Variants in LRCH1 observed in about 807,000 individuals in gnomAD.
LRCH1 encodes the protein leucine-rich repeat and calponin homology domain-containing protein 1.
LRCH1 carries 23 observed loss-of-function variants against 94.9 expected under a neutral mutation model. The ratio of observed to expected loss-of-function variants is 0.24; its 90% CI spans 0.17 to 0.34. The LOEUF is 0.34. LRCH1 is among the 10% of genes least tolerant of loss of function. The pLI is 1.00. For missense variants in LRCH1, 790 were observed against 945.9 expected (o/e 0.84, Z 2.16); for synonymous variants, 364 against 354.9 (o/e 1.03, Z -0.29).
intron 4 of LRCH1, among the ~76,000 whole-genome samples, chr13:46,684,007 G>A (rs774996156): frequency 3.3e-5 from 5 of 151,994 alleles, no homozygotes; most frequent in East Asian, 1.9e-4. Flanking sequence ...ACCCCTCCTC[G>A]TATGCTTTCA....
At chr13:46,625,139 A>G (rs765446921) in intron 1 of LRCH1, among the ~76,000 whole-genome samples, 32 of 152,220 alleles carry the variant, frequency 2.1e-4, no homozygotes, top group Non-Finnish European at 3.7e-4. Flanking sequence ...CCAAGTGCCT[A>G]GTGGCGCCCT....
rs367892582 is a variant in LRCH1, at chr13:46,651,210, G to C, written c.452+865G>C. Among the ~76,000 whole-genome samples, 3 of 152,320 alleles carry C rather than the reference G, an allele frequency of 2.0e-5. No homozygotes were observed. The East Asian group carries it at 5.8e-4, about 29-fold the overall frequency. ...CATTGCGTCATGTTAGTGTGCAAAG[G>C]GGAGCAAGACTTGTGTTGAATAACA... On this transcript the variant is annotated intron_variant, in intron 2 of 19. Coordinates refer to ENST00000389797, the MANE Select transcript of LRCH1 (RefSeq NM_001164211.2).
chr13:46,674,820 G>A (rs1266719456), intron 3 of LRCH1, among the ~76,000 whole-genome samples: 1 of 152,200 alleles, frequency 6.6e-6, no homozygotes, highest in East Asian at 1.9e-4. Context: ...AGGATATGAA[G>A]AGGTAGAGCT....
At chr13:46,681,909 G>T in intron 4 of LRCH1, 63 bp downstream of exon 4, 2 of 1,015,534 alleles carry the variant, frequency 2.0e-6, no homozygotes, top group Admixed American at 2.0e-5. Context: ...GTTTTGGGGG[G>T]TTTACTTTTG....
intron 3 of LRCH1, among the ~76,000 whole-genome samples, chr13:46,673,214 G>A (rs1196750252): frequency 6.6e-6 from 1 of 152,052 alleles, no homozygotes; most frequent in Non-Finnish European, 1.5e-5. Flanking sequence ...CACATTTCTG[G>A]TGTTCAGTGG....
chr13:46,750,471 G>T, intron 18 of LRCH1: 1 of 1,112,304 alleles, frequency 9.0e-7, no homozygotes. Context: ...TGTCATCAAC[G>T]ATGTAGCAGG....
intron 1 of LRCH1, among the ~76,000 whole-genome samples, chr13:46,602,510 A>G (rs2050638471): frequency 1.3e-5 from 2 of 152,234 alleles, no homozygotes; most frequent in South Asian, 2.1e-4. Context: ...TAGCCTAACT[A>G]TGAAATTAAA....
intron 2 of LRCH1, among the ~76,000 whole-genome samples, chr13:46,664,228 CA>C (rs2051485972): frequency 6.6e-6 from 1 of 152,032 alleles, no homozygotes; most frequent in South Asian, 2.1e-4. Flanking sequence ...TTAGGATGTA[CA>C]ATAAGTAAAA....
chr13:46,591,787 T>TG (rs1309159446), intron 1 of LRCH1, among the ~76,000 whole-genome samples: 3 of 152,254 alleles, frequency 2.0e-5, no homozygotes, highest in Non-Finnish European at 4.4e-5. Context: ...AATAGGGGCT[T>TG]GGAGCCTGGG....
At chr13:46,652,945 T>C (rs1040117353) in intron 2 of LRCH1, among the ~76,000 whole-genome samples, 3 of 152,256 alleles carry the variant, frequency 2.0e-5, no homozygotes, top group Non-Finnish European at 2.9e-5. Context: ...TAAAATGGTT[T>C]TGGTGTGATG....
chr13:46,656,103 C>T lies in LRCH1; in HGVS notation c.452+5758C>T, dbSNP rs560880109. Among the ~76,000 whole-genome samples the T allele has an allele frequency of 1.1e-4, 16 of 152,354 alleles. 1 individual carries two copies. The South Asian group carries it at 3.3e-3, about 32-fold the overall frequency. Reference sequence around the variant, plus strand: ...AGAAAGAGCCAGCTTCCTGATGGTCCTATAACCCGTATCCCCACATTCCTC... The same window carrying T: ...AGAAAGAGCCAGCTTCCTGATGGTCTTATAACCCGTATCCCCACATTCCTC... On this transcript the variant is annotated intron_variant, in intron 2 of 19. Transcript: ENST00000389797.
intron 10 of LRCH1, among the ~76,000 whole-genome samples, chr13:46,700,234 C>T (rs1240935747): frequency 6.6e-6 from 1 of 152,108 alleles, no homozygotes; most frequent in Non-Finnish European, 1.5e-5. Context: ...TCCATCATAC[C>T]TTGCAGGGTT....
In LRCH1 at chr13:46,750,942, C is replaced by T. The variant is rs114223260; in HGVS notation, c.*292C>T. 1,323 of 224,758 alleles carry T rather than the reference C, an allele frequency of 5.9e-3. 19 individuals are homozygous for T. The highest frequency in any genetic ancestry group is 0.028 in the African/African-American group (1,219 of 44,230). 13.9% of individuals were successfully genotyped at this position (224,758 alleles called of 1,614,324 possible). On this transcript the variant is annotated 3_prime_UTR_variant, in exon 19 of 19. Transcript: ENST00000311191. ...CCTCCTTCATCCTTTCCACACTCAC[C>T]GACTGCCATTACCAAAACGCCAAGC...
At chr13:46,715,494 T>C (rs1371878793) in intron 15 of LRCH1, 66 bp from the exon 16 acceptor site, 2 of 809,700 alleles carry the variant, frequency 2.5e-6, no homozygotes, top group African/African-American at 3.4e-5. Context: ...GAAATGCTGC[T>C]GCCCCTTTGG....
chr13:46,679,135 C>A (rs842363), intron 3 of LRCH1, among the ~76,000 whole-genome samples: 121,666 of 152,222 alleles, frequency 0.8, 48,930 homozygotes, highest in East Asian at 0.92. Context: ...CTAGAGATGG[C>A]AAATAATTCC....
chr13:46,657,311 G>C (rs73193007), intron 2 of LRCH1, among the ~76,000 whole-genome samples: 2 of 150,930 alleles, frequency 1.3e-5, no homozygotes, highest in African/African-American at 4.9e-5. Context: ...CATTTCATCA[G>C]TAATCAACTT....
At chr13:46,597,820 A>T (rs1335745516) in intron 1 of LRCH1, among the ~76,000 whole-genome samples, 1 of 152,060 alleles carries the variant, frequency 6.6e-6, no homozygotes, top group Non-Finnish European at 1.5e-5. Flanking sequence ...TTTTTTAAAA[A>T]ACAGAAACAC....
chr13:46,692,065 A>AC (rs906816330), intron 7 of LRCH1, among the ~76,000 whole-genome samples: 1 of 151,912 alleles, frequency 6.6e-6, no homozygotes, highest in Non-Finnish European at 1.5e-5. Flanking sequence ...TGAGGTATCC[A>AC]CCCCCAAAAC....
chr13:46,649,275 TCTG>T (rs2051261660), intron 1 of LRCH1, among the ~76,000 whole-genome samples: 1 of 152,252 alleles, frequency 6.6e-6, no homozygotes, highest in South Asian at 2.1e-4. Flanking sequence ...TTGAGTCTCT[TCTG>T]ATACAGGGTG....
Sources: allele counts gnomAD v4.1 joint callset (sites outside exome capture counted in the v4.1 genomes callset), GRCh38; gene constraint gnomAD v4.1.1; transcripts MANE v1.5; gene names NCBI Gene and HGNC (gene_info 2026-07-23, HGNC 2026-07-21).